The following TEAD1 variants were observed in gnomAD, a reference collection of about 807,000 sequenced individuals.
TEAD1 encodes transcriptional enhancer factor TEF-1.
Under a neutral mutation model 54.9 loss-of-function variants are expected in TEAD1, and 9 were observed. That is an observed-to-expected ratio of 0.16 (90% CI 0.10 to 0.29). The LOEUF (loss-of-function observed/expected upper bound fraction) is 0.29, where lower values mean the gene tolerates loss of function less well. Among genes scored for constraint, TEAD1 ranks in the 10% least tolerant of loss-of-function variants. The pLI, the probability that TEAD1 is intolerant of heterozygous loss-of-function variation, is 1.00. For synonymous variants in TEAD1, 200 were observed against 187.8 expected, an observed-to-expected ratio of 1.07 and a Z score of -0.53; for missense variants, 387 against 535.9, an observed-to-expected ratio of 0.72 and a Z score of 2.74.
chr11:12,785,477 A>G (rs1945659104), intron 3 of TEAD1, among the ~76,000 whole-genome samples: 1 of 152,172 alleles, frequency 6.6e-6, no homozygotes, highest in Non-Finnish European at 1.5e-5. Flanking sequence ...TGTTCAGACT[A>G]CGACACTTCA....
chr11:12,712,290 C>G (rs1159676966), intron 2 of TEAD1, among the ~76,000 whole-genome samples: 1 of 152,184 alleles, frequency 6.6e-6, no homozygotes, highest in Non-Finnish European at 1.5e-5. Context: ...AAGGGACTCT[C>G]AGTTTTCTTC....
At chr11:12,930,809 G>A (rs10831920) in intron 12 of TEAD1, among the ~76,000 whole-genome samples, 56,730 of 152,024 alleles carry the variant, frequency 0.37, 10,761 homozygotes, top group East Asian at 0.43. Flanking sequence ...TTGTACTTCA[G>A]ACATACCTTG....
chr11:12,886,916 G>A (rs906254313), intron 9 of TEAD1, among the ~76,000 whole-genome samples: 3 of 152,086 alleles, frequency 2.0e-5, no homozygotes, highest in Non-Finnish European at 2.9e-5. Flanking sequence ...TAAGTGATGT[G>A]CATTAGACAT....
intron 9 of TEAD1, among the ~76,000 whole-genome samples, chr11:12,889,151 C>T (rs1209062842): frequency 6.6e-6 from 1 of 152,190 alleles, no homozygotes; most frequent in Non-Finnish European, 1.5e-5. Flanking sequence ...ATACTTTCTA[C>T]ATGATTTCAG....
At chr11:12,771,558 A>G (rs967432760) in intron 3 of TEAD1, among the ~76,000 whole-genome samples, 1 of 152,120 alleles carries the variant, frequency 6.6e-6, no homozygotes, top group Non-Finnish European at 1.5e-5. Context: ...GTTAAGCGAG[A>G]TGGGGAGTGG....
rs1256899731 is a variant in TEAD1, at chr11:12,941,412, A to G, written c.*4190A>G. The G allele has an allele frequency of 3.3e-5, 5 of 152,206 alleles. No homozygotes were observed. The highest frequency in any genetic ancestry group is 5.9e-5 in the Non-Finnish European group (4 of 68,020). The allele number at this position is 152,206 out of a possible 1,614,324, so 9.4% of individuals were successfully genotyped here. On this transcript the variant is annotated 3_prime_UTR_variant, in exon 13 of 13. Transcript: ENST00000527636. ...GCCCCCATTCCAAGTACTTGGTGTC[A>G]AAAGTCCCCGAACGACTTTTAAACC...
At chr11:12,700,901 C>G (rs898203624) in intron 2 of TEAD1, among the ~76,000 whole-genome samples, 10 of 152,196 alleles carry the variant, frequency 6.6e-5, no homozygotes, top group African/African-American at 2.4e-4. Flanking sequence ...CGCTCCACTG[C>G]AGATTTTGTG....
At chr11:12,733,647 TC>T (rs1202796521) in intron 2 of TEAD1, among the ~76,000 whole-genome samples, 2 of 152,248 alleles carry the variant, frequency 1.3e-5, no homozygotes, top group African/African-American at 4.8e-5. Context: ...CTGTCACACT[TC>T]CATCAGCCAC....
intron 9 of TEAD1, among the ~76,000 whole-genome samples, chr11:12,887,568 T>C (rs1281353875): frequency 2.0e-5 from 3 of 152,218 alleles, no homozygotes; most frequent in East Asian, 3.8e-4. Context: ...AGTTATATAC[T>C]GTGTGCTTTA....
At chr11:12,684,055 A>G (rs1590048998) in intron 2 of TEAD1, among the ~76,000 whole-genome samples, 1 of 152,176 alleles carries the variant, frequency 6.6e-6, no homozygotes. Flanking sequence ...TTTTCTGCCA[A>G]GTCACCCTGG....
chr11:12,879,369 TC>T (rs1360041355), intron 5 of TEAD1: 1 of 571,736 alleles, frequency 1.7e-6, no homozygotes, highest in East Asian at 3.0e-5. Flanking sequence ...TTTTTTTTCT[TC>T]CTTAAATGTT....
rs1025500315 is a variant in TEAD1 at position 12,753,096 on chromosome 11, G to A, written c.-54-11083G>A. Among the ~76,000 whole-genome samples the A allele has an allele frequency of 5.3e-5, 8 of 150,514 alleles. No homozygotes were observed. The South Asian group carries it at 8.4e-4, about 16-fold the overall frequency. The stretch of plus-strand genomic sequence containing the variant: ...TGCGCTGAAGCAATCTGCCCATCTC[G>A]GCCTCCCAAAGTGCTGGAATTACAG... On this transcript the variant is annotated intron_variant, in intron 2 of 12. Coordinates refer to ENST00000527636, the MANE Select transcript of TEAD1 (RefSeq NM_021961.6).
intron 9 of TEAD1, among the ~76,000 whole-genome samples, chr11:12,885,528 C>T (rs1313107835): frequency 6.6e-6 from 1 of 152,038 alleles, no homozygotes; most frequent in Non-Finnish European, 1.5e-5. Flanking sequence ...TGAGGCACCG[C>T]ACCCGGGCTT....
intron 4 of TEAD1, 64 bp downstream of exon 4, chr11:12,862,378 A>C: frequency 6.7e-7 from 1 of 1,489,328 alleles, no homozygotes; most frequent in Non-Finnish European, 9.4e-7. Flanking sequence ...TTTTGGCTGC[A>C]GTGGCTGGCT....
intron 2 of TEAD1, among the ~76,000 whole-genome samples, chr11:12,696,825 TCAGCAGATAGAGCTG>T (rs1200305529): frequency 6.6e-6 from 1 of 152,028 alleles, no homozygotes; most frequent in Non-Finnish European, 1.5e-5. Context: ...GCTGCTCCCC[TCAGCAGATAGAGCTG>T]TCCTGGACCC....
At chr11:12,888,176 C>T (rs976152123) in intron 9 of TEAD1, among the ~76,000 whole-genome samples, 3 of 152,308 alleles carry the variant, frequency 2.0e-5, no homozygotes, top group African/African-American at 2.4e-5. Context: ...GCCAGCTTTG[C>T]ACCCCAGCCT....
intron 2 of TEAD1, among the ~76,000 whole-genome samples, chr11:12,762,796 A>T (rs2133923884): frequency 6.6e-6 from 1 of 152,248 alleles, no homozygotes; most frequent in Non-Finnish European, 1.5e-5. Context: ...GGGGCACAGG[A>T]TACAGTTGGG....
chr11:12,864,559 C>G (rs536914518), intron 4 of TEAD1: 10 of 676,540 alleles, frequency 1.5e-5, no homozygotes, highest in East Asian at 8.4e-5. Flanking sequence ...CAAATAACCA[C>G]CCCCCAACCC....
intron 2 of TEAD1, among the ~76,000 whole-genome samples, chr11:12,713,713 A>G (rs1428151648): frequency 6.6e-6 from 1 of 152,234 alleles, no homozygotes; most frequent in Non-Finnish European, 1.5e-5. Context: ...GTCCAGAGGT[A>G]CAGTGATGCT....
Sources: allele counts gnomAD v4.1 joint callset (sites outside exome capture counted in the v4.1 genomes callset), GRCh38; gene constraint gnomAD v4.1.1; transcripts MANE v1.5; gene names NCBI Gene and HGNC (gene_info 2026-07-23, HGNC 2026-07-21).